Variants in ITGA6 observed in about 807,000 individuals in gnomAD.
ITGA6 encodes integrin alpha-6.
A neutral mutation model predicts 133.6 loss-of-function variants in ITGA6; 63 were observed. The observed-to-expected ratio is 0.47, with a 90% confidence interval of 0.38 to 0.58. The LOEUF (loss-of-function observed/expected upper bound fraction) is 0.58. ITGA6 is among the 20% of genes least tolerant of loss of function. The pLI is 0.00. For missense variants in ITGA6, 1,068 were observed against 1,309.4 expected, an observed-to-expected ratio of 0.82 and a Z score of 2.85; for synonymous variants, 434 against 482.0, an observed-to-expected ratio of 0.90 and a Z score of 1.30.
chr2:172,475,157 A>G, intron 7 of ITGA6, 35 bp downstream of exon 7: 3 of 1,301,416 alleles, frequency 2.3e-6, no homozygotes, highest in Non-Finnish European at 3.3e-6. Flanking sequence ...TATGATTTAT[A>G]GATTATTTGA....
intron 1 of ITGA6, among the ~76,000 whole-genome samples, chr2:172,436,558 A>G (rs75721367): frequency 0.018 from 2,801 of 152,294 alleles, 23 homozygotes; most frequent in Non-Finnish European, 0.03. Flanking sequence ...GTTTTTCAAT[A>G]TCATAGAATA....
intron 1 of ITGA6, among the ~76,000 whole-genome samples, chr2:172,449,382 A>G (rs1039749344): frequency 1.3e-5 from 2 of 152,208 alleles, no homozygotes; most frequent in Admixed American, 1.3e-4. Flanking sequence ...CATGAATAAT[A>G]TCTACCTAAG....
At chr2:172,497,864 C>A in intron 23 of ITGA6, 111 bp from the exon 24 acceptor site, 1 of 1,097,560 alleles carries the variant, frequency 9.1e-7, no homozygotes. Context: ...CTCATCCATT[C>A]ACAGGCTGCA....
At chr2:172,465,833 G>A (rs934718303) in intron 2 of ITGA6, 170 bp downstream of exon 2, 2 of 955,022 alleles carry the variant, frequency 2.1e-6, no homozygotes, top group Admixed American at 4.1e-5. Context: ...CTTTACTTCT[G>A]AATCATACTG....
chr2:172,478,262 T>C (rs1686266145), intron 9 of ITGA6, among the ~76,000 whole-genome samples: 1 of 152,232 alleles, frequency 6.6e-6, no homozygotes, highest in Non-Finnish European at 1.5e-5. Context: ...TATTGGACCC[T>C]ACCTTCACTG....
At chr2:172,475,832 A>G (rs888013922) in intron 8 of ITGA6, 147 bp downstream of exon 8, 104 of 635,030 alleles carry the variant, frequency 1.6e-4, no homozygotes, top group South Asian at 2.2e-4. Flanking sequence ...TATTACTAGA[A>G]GATACCTTCA....
Position 172,504,900 on chromosome 2 carries a change from T to C in ITGA6, c.*832T>C, listed in dbSNP as rs1245377095. 1 of 152,690 alleles carries C rather than the reference T, an allele frequency of 6.5e-6. No individual in the cohort carries two copies. The highest frequency in any genetic ancestry group is 1.5e-5 in the Non-Finnish European group (1 of 68,054). 9.5% of individuals were successfully genotyped at this position (152,690 alleles called of 1,614,324 possible). On this transcript the variant is annotated 3_prime_UTR_variant, in exon 26 of 26. Transcript: ENST00000684293. ...TAGTTATACTTATTTGTATATGGTA[T>C]TTATTTTTTCTTTTCTTTACAAACC...
At chr2:172,449,922 CAAAAAAAAA>C (rs753594850) in intron 1 of ITGA6, among the ~76,000 whole-genome samples, 1 of 77,680 alleles carries the variant, frequency 1.3e-5, no homozygotes, top group Non-Finnish European at 2.6e-5. Flanking sequence ...ACTTCCTCTC[CAAAAAAAAA>C]AAAAAAAAAA....
At position 172,458,246 on chromosome 2, in the gene ITGA6, C is replaced by CTT. The variant is rs72218248; in HGVS notation, c.183-7280_183-7279dup. On this transcript the variant is annotated intron_variant, in intron 1 of 25. Coordinates refer to ENST00000684293, the MANE Select transcript of ITGA6 (RefSeq NM_000210.4). ...TTACAATGCACAAAAATAATGAATT[C>CTT]TTTTTTTTTTTTTTGAGACCATCTT... is the stretch of plus-strand genomic sequence containing the variant. Among the ~76,000 whole-genome samples the CTT allele has an allele frequency of 3.9e-3, 560 of 143,696 alleles. 2 individuals are homozygous for CTT. The highest frequency in any genetic ancestry group is 0.013 in the East Asian group (66 of 4,918). The allele number at this position is 143,696 out of a possible 152,430, so 94.3% of individuals were successfully genotyped here.
At chr2:172,479,074 GA>G (rs1387001302) in intron 9 of ITGA6, among the ~76,000 whole-genome samples, 1 of 152,190 alleles carries the variant, frequency 6.6e-6, no homozygotes, top group African/African-American at 2.4e-5. Context: ...TGATGTTTGT[GA>G]AAGCAGAAAG....
In ITGA6 at chr2:172,441,272, A is replaced by G. The variant is rs1684526449; in HGVS notation, c.182+13302A>G. On this transcript the variant is annotated intron_variant, in intron 1 of 25. Coordinates refer to ENST00000684293, the MANE Select transcript of ITGA6 (RefSeq NM_000210.4). ...TATTATCTATCTATTAGCTGTCAGA[A>G]TAAAAGCTTACTGAGGGTCCTGAAC... is the stretch of plus-strand genomic sequence containing the variant. 2.0e-5 allele frequency among the ~76,000 whole-genome samples: 3 copies of G among 152,202 alleles called. No homozygotes were observed. The South Asian group carries it at 6.2e-4, about 31-fold the overall frequency.
intron 1 of ITGA6, among the ~76,000 whole-genome samples, chr2:172,457,927 C>A (rs1213000192): frequency 1.3e-5 from 2 of 152,152 alleles, no homozygotes; most frequent in Non-Finnish European, 2.9e-5. Flanking sequence ...GGGCTTATGA[C>A]CTTAGCAGGG....
At chr2:172,435,723 G>A (rs533266588) in intron 1 of ITGA6, among the ~76,000 whole-genome samples, 1 of 149,394 alleles carries the variant, frequency 6.7e-6, no homozygotes, top group African/African-American at 2.5e-5. Context: ...ACCTCCTTGG[G>A]CTTAGGCAAT....
chr2:172,432,590 G>GA (rs1251348626), intron 1 of ITGA6, among the ~76,000 whole-genome samples: 1 of 152,212 alleles, frequency 6.6e-6, no homozygotes, highest in Non-Finnish European at 1.5e-5. Flanking sequence ...TGCCTCTGAG[G>GA]AAACGGAATC....
intron 1 of ITGA6, among the ~76,000 whole-genome samples, chr2:172,441,597 C>CAAAAAAAAAAAAA (rs1684547284): frequency 2.1e-5 from 2 of 94,186 alleles, no homozygotes; most frequent in South Asian, 3.4e-4. Flanking sequence ...AAAAAAAAAT[C>CAAAAAAAAAAAAA]AAACCTCAGT....
rs1210946234 is a variant in ITGA6 at position 172,491,693 on chromosome 2, G to GA, written c.2988+177dup. Among the ~76,000 whole-genome samples, 1 of 151,928 alleles carries GA rather than the reference G, an allele frequency of 6.6e-6. No homozygotes were observed. Among genetic ancestry groups the GA allele is most frequent in the Admixed American group, 6.6e-5 (1 of 15,262 alleles). On this transcript the variant is annotated intron_variant, in intron 23 of 25. Coordinates refer to ENST00000684293, the MANE Select transcript of ITGA6 (RefSeq NM_000210.4). This position sits in a 1 kb window ranked among gnomAD's most constrained non-coding sequence, Gnocchi z 4.4. ...CAAGCTGTATTTTAATAGAATCATT[G>GA]AAAAAAAGAAGTAAATCTAGGGTCA...
intron 1 of ITGA6, among the ~76,000 whole-genome samples, chr2:172,448,962 C>T (rs185251618): frequency 6.6e-6 from 1 of 152,132 alleles, no homozygotes; most frequent in African/African-American, 2.4e-5. Context: ...AAGGCAAAAT[C>T]GTAGGTAAGG....
intron 1 of ITGA6, among the ~76,000 whole-genome samples, chr2:172,452,090 G>C (rs1251988292): frequency 6.6e-6 from 1 of 152,010 alleles, no homozygotes; most frequent in Non-Finnish European, 1.5e-5. Flanking sequence ...ATGAAATATG[G>C]TTTTGGAATT....
chr2:172,472,093 A>C (rs1685966814), intron 5 of ITGA6, among the ~76,000 whole-genome samples: 1 of 152,232 alleles, frequency 6.6e-6, no homozygotes, highest in Non-Finnish European at 1.5e-5. Flanking sequence ...AGGCTGAGGC[A>C]GGCGGATTAC....
Sources: gnomAD v4.1 joint callset for allele counts (sites outside exome capture counted in the v4.1 genomes callset) on GRCh38, gnomAD v4.1.1 for gene constraint, Gnocchi (gnomAD v3.1) non-coding constraint, MANE v1.5 for transcripts, NCBI Gene and HGNC (gene_info 2026-07-23, HGNC 2026-07-21) for gene names.